The following NFIB variants were observed in gnomAD, a reference collection of about 807,000 sequenced individuals.
NFIB encodes the protein nuclear factor I B, also known as nuclear factor 1 B-type.
A neutral mutation model predicts 61.5 loss-of-function variants in NFIB; 11 were observed. That is an observed-to-expected ratio of 0.18 (90% CI 0.11 to 0.30). The LOEUF (loss-of-function observed/expected upper bound fraction) is 0.30. Ranked by LOEUF, NFIB falls within the 10% of genes least tolerant of loss-of-function variation. The probability of loss-of-function intolerance (pLI) is 1.00; values close to 1 mark genes in which losing one functional copy is unlikely to be tolerated. For missense variants in NFIB, 471 were observed against 608.9 expected, an observed-to-expected ratio of 0.77 and a Z score of 2.38; for synonymous variants, 260 against 216.5, an observed-to-expected ratio of 1.20 and a Z score of -1.76.
chr9:14,342,833 T>A (rs1282596621), intron 1 of NFIB, among the ~76,000 whole-genome samples: 1 of 152,256 alleles, frequency 6.6e-6, no homozygotes, highest in Non-Finnish European at 1.5e-5. Context: ...TTCTTCATAC[T>A]GCCCTTATCA....
In NFIB at chr9:14,313,745, A is replaced by C; in HGVS notation, c.-234T>G. 1 of 1,373,232 alleles carries C rather than the reference A, an allele frequency of 7.3e-7. No homozygotes were observed. Among genetic ancestry groups the C allele is most frequent in the Middle Eastern group, 2.6e-4 (1 of 3,846 alleles). 85.1% of individuals were successfully genotyped at this position (1,373,232 alleles called of 1,614,324 possible). A position where few individuals can be genotyped will look rare whatever the true frequency, so the allele number is the denominator to read the frequency against. ...GGGTGAAATCCAATCTACACTTTTA[A>C]CCCTCTTGCAGTCCGAGCGCGCTGG... On this transcript the variant is annotated 5_prime_UTR_variant, in exon 1 of 11. Transcript: ENST00000380953. This position sits in a 1 kb window ranked among gnomAD's most constrained non-coding sequence, Gnocchi z 4.5.
intron 3 of NFIB, among the ~76,000 whole-genome samples, chr9:14,170,578 C>T (rs7466736): frequency 6.6e-6 from 1 of 151,962 alleles, no homozygotes. Flanking sequence ...AGGAGGCAGG[C>T]TGCAGTGAGC....
intron 2 of NFIB, among the ~76,000 whole-genome samples, chr9:14,282,588 C>T (rs533762358): frequency 1.3e-5 from 2 of 152,310 alleles, no homozygotes; most frequent in South Asian, 2.1e-4. Flanking sequence ...GTCATTAAAA[C>T]AGTCTCATCT....
At chr9:14,338,730 T>C (rs1231089172) in intron 1 of NFIB, among the ~76,000 whole-genome samples, 1 of 152,124 alleles carries the variant, frequency 6.6e-6, no homozygotes, top group East Asian at 1.9e-4. Flanking sequence ...CTTTTCTTCC[T>C]TCCTTTCTTC....
the NFIB span, among the ~76,000 whole-genome samples, chr9:14,508,518 T>C: frequency 6.6e-6 from 1 of 152,224 alleles, no homozygotes; most frequent in Non-Finnish European, 1.5e-5. Flanking sequence ...AGAACTGACA[T>C]CAATGGTTTC....
upstream of NFIB, among the ~76,000 whole-genome samples, chr9:14,399,424 GA>G (rs2061720649): frequency 6.6e-6 from 1 of 152,164 alleles, no homozygotes; most frequent in Non-Finnish European, 1.5e-5. Context: ...TGTTTTATAT[GA>G]ATACTTTTTT....
At chr9:14,501,377 T>A in the NFIB span, among the ~76,000 whole-genome samples, 1 of 152,344 alleles carries the variant, frequency 6.6e-6, no homozygotes, top group South Asian at 2.1e-4. Flanking sequence ...AGATTTCTTG[T>A]GCTCTTTGCT....
chr9:14,155,378 T>G (rs929220387), intron 4 of NFIB, among the ~76,000 whole-genome samples: 4 of 152,190 alleles, frequency 2.6e-5, no homozygotes, highest in African/African-American at 4.8e-5. Context: ...AGTTAATTTC[T>G]GCATCCCTCT....
chr9:14,312,540 C>T lies in NFIB; in HGVS notation c.30+942G>A, dbSNP rs17286201. Among the ~76,000 whole-genome samples, 1,412 of 152,262 alleles carry T rather than the reference C, an allele frequency of 9.3e-3. 16 individuals are homozygous for T. Among genetic ancestry groups the T allele is most frequent in the Non-Finnish European group, 0.014 (975 of 68,008 alleles). On this transcript the variant is annotated intron_variant, in intron 1 of 10. Coordinates refer to ENST00000380953, the MANE Select transcript of NFIB (RefSeq NM_001190737.2). The stretch of plus-strand genomic sequence containing the variant: ...TTAGTTACTTTGTCAGTTGTTAGTT[C>T]CCTGGGCAGCGATGAAAACTGCCCC...
At chr9:14,367,658 A>G (rs1159484949) in intron 1 of NFIB, among the ~76,000 whole-genome samples, 1 of 152,208 alleles carries the variant, frequency 6.6e-6, no homozygotes, top group Non-Finnish European at 1.5e-5. Flanking sequence ...GACTGGATAA[A>G]GAAAATGTGG....
intron 1 of NFIB, among the ~76,000 whole-genome samples, chr9:14,361,064 G>A (rs1439342812): frequency 1.3e-5 from 2 of 152,042 alleles, no homozygotes; most frequent in African/African-American, 4.8e-5. Context: ...AGGTTTAAGA[G>A]ATTTCAAATT....
chr9:14,409,558 A>C, the NFIB span, among the ~76,000 whole-genome samples: 5 of 152,230 alleles, frequency 3.3e-5, no homozygotes, highest in African/African-American at 1.2e-4. Flanking sequence ...GGGTTAGAGA[A>C]GACAGGGCAG....
chr9:14,347,672 C>T (rs141254968), intron 1 of NFIB, among the ~76,000 whole-genome samples: 59 of 152,248 alleles, frequency 3.9e-4, no homozygotes, highest in Non-Finnish European at 1.6e-4. Context: ...CCCAAGGTCC[C>T]AGAGGCACTG....
intron 4 of NFIB, among the ~76,000 whole-genome samples, chr9:14,154,449 G>GT (rs1291502253): frequency 6.6e-6 from 1 of 152,132 alleles, no homozygotes; most frequent in Non-Finnish European, 1.5e-5. Context: ...AGTGCTACTG[G>GT]TAAGTCAGGC....
intron 1 of NFIB, among the ~76,000 whole-genome samples, chr9:14,351,501 A>T (rs989147740): frequency 6.6e-6 from 1 of 152,180 alleles, no homozygotes; most frequent in African/African-American, 2.4e-5. Flanking sequence ...CGTGGTGCCA[A>T]CTGCACTCAA....
chr9:14,090,475 T>C, intron 10 of NFIB, among the ~76,000 whole-genome samples: 1 of 152,256 alleles, frequency 6.6e-6, no homozygotes, highest in African/African-American at 2.4e-5. Context: ...TTACAGCATT[T>C]ATTACTTCAT....
At chr9:14,496,762 TC>T in the NFIB span, among the ~76,000 whole-genome samples, 17 of 152,292 alleles carry the variant, frequency 1.1e-4, no homozygotes, top group Admixed American at 9.2e-4. Flanking sequence ...GCCAGATTTC[TC>T]CCCAAGAAGT....
At chr9:14,318,180 T>G (rs574600127), upstream of NFIB, among the ~76,000 whole-genome samples, 5 of 152,172 alleles carry the variant, frequency 3.3e-5, no homozygotes, top group African/African-American at 9.6e-5. Flanking sequence ...CCTCCCTAGA[T>G]CTCCTTGCTG....
chr9:14,224,745 G>A (rs2052149419), intron 2 of NFIB, among the ~76,000 whole-genome samples: 1 of 152,186 alleles, frequency 6.6e-6, no homozygotes, highest in Admixed American at 6.5e-5. Context: ...AGTGGGGCCT[G>A]GGGTTGGGGC....
Sources: gnomAD v4.1 joint callset for allele counts (sites outside exome capture counted in the v4.1 genomes callset) on GRCh38, gnomAD v4.1.1 for gene constraint, Gnocchi (gnomAD v3.1) non-coding constraint, MANE v1.5 for transcripts, NCBI Gene and HGNC (gene_info 2026-07-23, HGNC 2026-07-21) for gene names.